Variants in BTG4 observed in about 807,000 individuals in gnomAD.
BTG4 encodes the protein protein BTG4.
In BTG4, 10 loss-of-function variants were observed where a neutral mutation model predicts 19.3. The ratio of observed to expected loss-of-function variants is 0.52; its 90% confidence interval spans 0.32 to 0.88. The LOEUF is 0.88. BTG4 is among the 40% of genes least tolerant of loss of function. The probability of loss-of-function intolerance (pLI) is 0.04; values close to 1 mark genes in which losing one functional copy is unlikely to be tolerated. For missense variants in BTG4, 238 were observed against 281.9 expected, an observed-to-expected ratio of 0.84 and a Z score of 1.11; for synonymous variants, 91 against 95.7, an observed-to-expected ratio of 0.95 and a Z score of 0.29.
intron 1 of BTG4, among the ~76,000 whole-genome samples, chr11:111,501,153 G>A (rs761389331): frequency 6.6e-6 from 1 of 151,998 alleles, no homozygotes; most frequent in Non-Finnish European, 1.5e-5. Flanking sequence ...ATCACTTGAG[G>A]TCAGGAGTTT....
chr11:111,425,785 T>C, the BTG4 span, among the ~76,000 whole-genome samples: 2 of 152,150 alleles, frequency 1.3e-5, no homozygotes, highest in African/African-American at 2.4e-5. Context: ...TAATCGCAGC[T>C]CTTTGGGAGG....
the BTG4 span, among the ~76,000 whole-genome samples, chr11:111,444,835 A>C: frequency 2.6e-5 from 4 of 152,180 alleles, no homozygotes; most frequent in Non-Finnish European, 5.9e-5. Flanking sequence ...TTAGGAAAGA[A>C]AGGCAGGAGA....
the BTG4 span, among the ~76,000 whole-genome samples, chr11:111,440,332 A>G: frequency 4.6e-5 from 7 of 152,242 alleles, no homozygotes; most frequent in Non-Finnish European, 8.8e-5. Context: ...CAGATTCAAA[A>G]GAAAAGAAAT....
the BTG4 span, chr11:111,414,125 G>T: frequency 6.6e-6 from 1 of 152,292 alleles, no homozygotes; most frequent in African/African-American, 2.4e-5. Flanking sequence ...ATTTGAGCAC[G>T]TGTGTTACAT....
chr11:111,512,684 G>C (rs1027802188), upstream of BTG4, among the ~76,000 whole-genome samples: 6 of 152,142 alleles, frequency 3.9e-5, no homozygotes, highest in African/African-American at 1.2e-4. Flanking sequence ...GGCACTCCTG[G>C]GGGTCATGGG....
At chr11:111,458,461 T>C in the BTG4 span, among the ~76,000 whole-genome samples, 3 of 152,334 alleles carry the variant, frequency 2.0e-5, no homozygotes, top group Admixed American at 2.0e-4. Flanking sequence ...AGTTATGTTA[T>C]GGAGCATACA....
chr11:111,464,987 G>A (rs1037597950), downstream of BTG4, among the ~76,000 whole-genome samples: 6 of 152,072 alleles, frequency 3.9e-5, no homozygotes, highest in East Asian at 1.2e-3. Flanking sequence ...CATGTTAGAA[G>A]GAGCTAATGT....
chr11:111,504,237 G>C (rs530476829), intron 1 of BTG4, among the ~76,000 whole-genome samples: 67 of 152,156 alleles, frequency 4.4e-4, no homozygotes, highest in Admixed American at 7.2e-4. Flanking sequence ...ATAATGAACT[G>C]ATTCTGTAAC....
intron 1 of BTG4, among the ~76,000 whole-genome samples, chr11:111,511,840 T>C (rs4938723): frequency 0.32 from 48,754 of 152,096 alleles, 7,984 homozygotes; most frequent in Middle Eastern, 0.38. Flanking sequence ...TTTGACCTAT[T>C]ACAGCTCTCA....
chr11:111,428,951 G>A, the BTG4 span, among the ~76,000 whole-genome samples: 2 of 152,200 alleles, frequency 1.3e-5, no homozygotes, highest in East Asian at 3.8e-4. Flanking sequence ...AATATTTACA[G>A]ACCACTCACT....
At chr11:111,483,999 G>C (rs662800) in intron 5 of BTG4, among the ~76,000 whole-genome samples, 1 of 152,098 alleles carries the variant, frequency 6.6e-6, no homozygotes, top group Non-Finnish European at 1.5e-5. Flanking sequence ...AAATAACATA[G>C]AAAGGATCTC....
chr11:111,430,064 C>T, the BTG4 span, among the ~76,000 whole-genome samples: 6 of 152,194 alleles, frequency 3.9e-5, no homozygotes, highest in African/African-American at 1.4e-4. Context: ...GCTTATGGTG[C>T]ATTGTCATGT....
the BTG4 span, among the ~76,000 whole-genome samples, chr11:111,388,463 T>C: frequency 2.6e-5 from 4 of 152,224 alleles, no homozygotes; most frequent in Admixed American, 2.6e-4. Context: ...CAAGTTTTCT[T>C]CATTGGAATG....
the BTG4 span, among the ~76,000 whole-genome samples, chr11:111,453,193 T>A: frequency 6.6e-6 from 1 of 152,246 alleles, no homozygotes; most frequent in South Asian, 2.1e-4. Context: ...GAAAACCTGG[T>A]CCAACTTTTA....
At chr11:111,393,114 G>T in the BTG4 span, among the ~76,000 whole-genome samples, 5 of 152,268 alleles carry the variant, frequency 3.3e-5, no homozygotes, top group African/African-American at 9.6e-5. Context: ...TGCAAAGATT[G>T]CTAGGAGGGA....
At chr11:111,434,574 T>TAAA in the BTG4 span, among the ~76,000 whole-genome samples, 9 of 149,628 alleles carry the variant, frequency 6.0e-5, no homozygotes, top group African/African-American at 2.0e-4. Context: ...TAATAAATTT[T>TAAA]AAAAAAAATA....
the BTG4 span, among the ~76,000 whole-genome samples, chr11:111,461,364 G>C: frequency 6.6e-6 from 1 of 152,198 alleles, no homozygotes; most frequent in Admixed American, 6.5e-5. Context: ...TCCCAAGAGA[G>C]GAGTGGGGGC....
At chr11:111,443,103 T>C in the BTG4 span, among the ~76,000 whole-genome samples, 1 of 152,192 alleles carries the variant, frequency 6.6e-6, no homozygotes, top group African/African-American at 2.4e-5. Flanking sequence ...GTGATGAAAA[T>C]GGCACCTTGC....
intron 5 of BTG4, among the ~76,000 whole-genome samples, chr11:111,468,886 C>A (rs1035989930): frequency 6.6e-6 from 1 of 152,080 alleles, no homozygotes; most frequent in African/African-American, 2.4e-5. Flanking sequence ...AGTTTGAAAA[C>A]CACTGCTTAA....
Sources: allele counts gnomAD v4.1 joint callset (sites outside exome capture counted in the v4.1 genomes callset), GRCh38; gene constraint gnomAD v4.1.1; transcripts MANE v1.5; gene names NCBI Gene and HGNC (gene_info 2026-07-23, HGNC 2026-07-21).